Variants in KDM1B observed in about 807,000 individuals in gnomAD.
KDM1B encodes lysine demethylase 1B.
A neutral mutation model predicts 107.4 loss-of-function variants in KDM1B; 63 were observed. The ratio of observed to expected loss-of-function variants is 0.59; its 90% CI spans 0.48 to 0.72. The LOEUF (loss-of-function observed/expected upper bound fraction) is 0.72. Ranked by LOEUF, KDM1B falls within the 30% of genes least tolerant of loss-of-function variation. The pLI, the probability that KDM1B is intolerant of heterozygous loss-of-function variation, is 0.00. For missense variants in KDM1B, 749 were observed against 1,020.8 expected, an observed-to-expected ratio of 0.73 and a Z score of 3.63; for synonymous variants, 363 against 363.9, an observed-to-expected ratio of 1.00 and a Z score of 0.03.
Position 18,197,307 on chromosome 6 carries a change from A to T in KDM1B, c.1146+74A>T, listed in dbSNP as rs1048352412. On this transcript the variant is annotated intron_variant, in intron 11 of 21. Transcript: ENST00000650836. The surrounding 1 kb of genome is among the most constrained non-coding windows in gnomAD (Gnocchi z 4.5). ...CGCTAGTCTGTTGCTGTTAATAAAT[A>T]TAGTAAAAGCCACATTATCACCATA... The T allele has an allele frequency of 3.7e-6, 5 of 1,337,844 alleles. No individual in the cohort carries two copies. The African/African-American group carries it at 4.5e-5, about 12-fold the overall frequency. 82.9% of individuals were successfully genotyped at this position (1,337,844 alleles called of 1,614,324 possible).
chr6:18,191,160 C>T lies in KDM1B; in HGVS notation c.785-37C>T, dbSNP rs1280887007. 1.3e-6 allele frequency: 2 copies of T among 1,532,258 alleles called. No homozygotes were observed. Among genetic ancestry groups the T allele is most frequent in the Admixed American group, 2.0e-5 (1 of 49,086 alleles). 94.9% of individuals were successfully genotyped at this position (1,532,258 alleles called of 1,614,324 possible). On this transcript the variant is annotated intron_variant, in intron 9 of 21. Coordinates refer to ENST00000650836, the MANE Select transcript of KDM1B (RefSeq NM_001364614.2). The surrounding 1 kb of genome is among the most constrained non-coding windows in gnomAD (Gnocchi z 5.1). ...TTAATTCTTCTGGATTTGGAAGTTA[C>T]AGCTTGTAGGAGTTGCCCATTTGTG...
Position 18,197,614 on chromosome 6 carries a change from C to G in KDM1B, c.1174C>G (p.Pro392Ala), listed in dbSNP as rs569055400. ...NKSVIIIGAG[P>A]AGLAAARQLH... Reference sequence around the variant, plus strand: ...ATCAGTCATCATTATCGGGGCTGGTCCAGCAGGATTAGCAGCTGCTAGGCA... The same window carrying G: ...ATCAGTCATCATTATCGGGGCTGGTGCAGCAGGATTAGCAGCTGCTAGGCA... The change falls in exon 12 of 22, where the codon CCA becomes GCA. Residue 392 changes from proline (P) to alanine (A), a missense_variant. Coordinates refer to ENST00000650836, the MANE Select transcript of KDM1B (RefSeq NM_001364614.2). This position sits in a 1 kb window ranked among gnomAD's most constrained non-coding sequence, Gnocchi z 4.5. 1 of 1,613,860 alleles carries G rather than the reference C, an allele frequency of 6.2e-7. No individual in the cohort carries two copies. The highest frequency in any genetic ancestry group is 2.2e-5 in the East Asian group (1 of 44,862).
rs776766892 is a variant in KDM1B, at chr6:18,197,017, CT to C, written c.970-34del. ...CTGCTATTGTTTGAATTTCTTGGGA[CT>C]TTTTTAAAAAAGCAGTTTGGTTTTA... On this transcript the variant is annotated intron_variant, in intron 10 of 21. Transcript: ENST00000650836. This position sits in a 1 kb window ranked among gnomAD's most constrained non-coding sequence, Gnocchi z 4.5. 14 of 1,547,894 alleles carry C rather than the reference CT, an allele frequency of 9.0e-6. No homozygotes were observed. The highest frequency in any genetic ancestry group is 1.1e-5 in the Non-Finnish European group (13 of 1,134,054).
At position 18,209,371 on chromosome 6, in the gene KDM1B, T is replaced by C. The variant is rs143932679; in HGVS notation, c.1866+1165T>C. 3.6e-3 allele frequency among the ~76,000 whole-genome samples: 545 copies of C among 152,312 alleles called. 7 individuals are homozygous for C. Among genetic ancestry groups the C allele is most frequent in the African/African-American group, 0.012 (498 of 41,568 alleles). On this transcript the variant is annotated intron_variant, in intron 17 of 21. Transcript: ENST00000650836. This position sits in a 1 kb window ranked among gnomAD's most constrained non-coding sequence, Gnocchi z 4.3. Reference sequence around the variant, plus strand: ...CTACACTTCAGGTATCTAAAACTTATTTCATAGTCCTTGATTTTCATACAG... The same window carrying C: ...CTACACTTCAGGTATCTAAAACTTACTTCATAGTCCTTGATTTTCATACAG...
intron 6 of KDM1B, among the ~76,000 whole-genome samples, chr6:18,168,509 T>G (rs1785462067): frequency 6.6e-6 from 1 of 152,252 alleles, no homozygotes. Flanking sequence ...AGCATTCATC[T>G]ATTGATGGAC....
At chr6:18,195,823 C>T (rs116482021) in intron 10 of KDM1B, among the ~76,000 whole-genome samples, 3,955 of 151,876 alleles carry the variant, frequency 0.026, 93 homozygotes, top group Non-Finnish European at 0.036. Flanking sequence ...CATATAGTTA[C>T]CTTTTTTGTC....
At position 18,197,676 on chromosome 6, in the gene KDM1B, A is replaced by T. The variant is rs548240037; in HGVS notation, c.1221+15A>T. ...TTGGAATTAAGGTAGGATTTTGGGGACATGGAGTTAGAACAGATGGTTGAC... is the reference window on the plus strand; with the variant it reads ...TTGGAATTAAGGTAGGATTTTGGGGTCATGGAGTTAGAACAGATGGTTGAC... On this transcript the variant is annotated intron_variant, in intron 12 of 21. Coordinates refer to ENST00000650836, the MANE Select transcript of KDM1B (RefSeq NM_001364614.2). This position sits in a 1 kb window ranked among gnomAD's most constrained non-coding sequence, Gnocchi z 4.5. 6.2e-7 allele frequency: 1 copy of T among 1,605,408 alleles called. No individual in the cohort carries two copies. Among genetic ancestry groups the T allele is most frequent in the East Asian group, 2.2e-5 (1 of 44,832 alleles).
At chr6:18,163,199 A>G (rs1185226386) in intron 5 of KDM1B, among the ~76,000 whole-genome samples, 3 of 150,456 alleles carry the variant, frequency 2.0e-5, no homozygotes, top group East Asian at 3.9e-4. Flanking sequence ...GTGTAGAGAC[A>G]TAATTTCAGC....
In KDM1B at chr6:18,159,778, A is replaced by C. The variant is rs1279279275; in HGVS notation, c.-13-105A>C. The stretch of plus-strand genomic sequence containing the variant: ...GAAAACTGTAGCTTTGTATTTAGGC[A>C]ATCTGACATACATTCTTACCTACCA... On this transcript the variant is annotated intron_variant, in intron 2 of 21. Transcript: ENST00000650836. This position sits in a 1 kb window ranked among gnomAD's most constrained non-coding sequence, Gnocchi z 4.5. The C allele has an allele frequency of 1.2e-5, 8 of 649,174 alleles. No homozygotes were observed. Among genetic ancestry groups the C allele is most frequent in the Non-Finnish European group, 2.1e-5 (8 of 372,544 alleles). The allele number at this position is 649,174 out of a possible 1,614,324, so 40.2% of individuals were successfully genotyped here.
intron 20 of KDM1B, among the ~76,000 whole-genome samples, chr6:18,217,378 C>CTT (rs11343407): frequency 7.1e-5 from 9 of 126,992 alleles, no homozygotes; most frequent in East Asian, 2.2e-4. Flanking sequence ...TATCTCCCTT[C>CTT]TTTTTTTTTT....
Position 18,191,408 on chromosome 6 carries a change from C to T in KDM1B, c.969+27C>T. ...TAAGTAAGGGCATGTTAGCCAATAG[C>T]ACTGGACAGAGGAGGACCATGTTGA... On this transcript the variant is annotated intron_variant, in intron 10 of 21. Transcript: ENST00000650836. The surrounding 1 kb of genome is among the most constrained non-coding windows in gnomAD (Gnocchi z 5.1). The T allele has an allele frequency of 6.5e-7, 1 of 1,541,852 alleles. No homozygotes were observed. The highest frequency in any genetic ancestry group is 8.8e-7 in the Non-Finnish European group (1 of 1,139,608).
chr6:18,187,651 T>C (rs1786962546), intron 8 of KDM1B, 141 bp from the exon 9 acceptor site: 1 of 633,004 alleles, frequency 1.6e-6, no homozygotes, highest in African/African-American at 1.8e-5. Context: ...AGCTCTGGAA[T>C]AGAATTGTTA....
rs1233569048 is a variant in KDM1B at position 18,187,929 on chromosome 6, A to T, written c.711A>T (p.Thr237=). Residue 237 remains threonine (T), a synonymous_variant, in exon 9 of 22, where the codon ACA becomes ACT. Coordinates refer to ENST00000650836, the MANE Select transcript of KDM1B (RefSeq NM_001364614.2). ...CVGMSPSCTS[T]NRAAATGNAS... is the part of the protein sequence containing the mutation. ...GCATGAGCCCCTCCTGCACCAGCAC[A>T]AACCGCGCCGCTGCCACTGGCAATG... The T allele has an allele frequency of 6.4e-7, 1 of 1,550,490 alleles. No individual in the cohort carries two copies. The highest frequency in any genetic ancestry group is 2.0e-5 in the Admixed American group (1 of 50,996).
chr6:18,197,968 C>A lies in KDM1B; in HGVS notation c.1221+307C>A, dbSNP rs1787761578. 6.6e-6 allele frequency among the ~76,000 whole-genome samples: 1 copy of A among 150,628 alleles called. No individual in the cohort carries two copies. The highest frequency in any genetic ancestry group is 2.4e-5 in the African/African-American group (1 of 40,838). ...TGAGACAGAGTCTTGCTCTGTCGCC[C>A]AGGCTGGAGTGCAGCAGTGCGATCT... is the stretch of plus-strand genomic sequence containing the variant. On this transcript the variant is annotated intron_variant, in intron 12 of 21. Transcript: ENST00000650836. The surrounding 1 kb of genome is among the most constrained non-coding windows in gnomAD (Gnocchi z 4.5).
chr6:18,213,732 G>C lies in KDM1B; in HGVS notation c.2060G>C (p.Ser687Thr). The C allele has an allele frequency of 6.2e-7, 1 of 1,614,124 alleles. No homozygotes were observed. Among genetic ancestry groups the C allele is most frequent in the Non-Finnish European group, 8.5e-7 (1 of 1,179,950 alleles). The change falls in exon 19 of 22, where the codon AGT becomes ACT. Residue 687 changes from serine to threonine, a missense_variant. Coordinates refer to ENST00000650836, the MANE Select transcript of KDM1B (RefSeq NM_001364614.2). The surrounding 1 kb of genome is among the most constrained non-coding windows in gnomAD (Gnocchi z 5.9). Reference sequence around the variant, plus strand: ...GACTTTTTTGGTCACGTTCCTCCCAGTGCCAGCAAGCGAGGGCTTTTTGCC... The same window carrying C: ...GACTTTTTTGGTCACGTTCCTCCCACTGCCAGCAAGCGAGGGCTTTTTGCC... ...GADFFGHVPP[S>T]ASKRGLFAVF...
intron 21 of KDM1B, among the ~76,000 whole-genome samples, chr6:18,218,468 G>A (rs2151048543): frequency 1.3e-5 from 2 of 152,202 alleles, no homozygotes; most frequent in East Asian, 3.9e-4. Flanking sequence ...ATTATTGACT[G>A]CCTCCCTATT....
At chr6:18,221,130 C>T (rs1789697146) in intron 21 of KDM1B, among the ~76,000 whole-genome samples, 1 of 152,076 alleles carries the variant, frequency 6.6e-6, no homozygotes, top group African/African-American at 2.4e-5. Flanking sequence ...GTAATCACTC[C>T]CCCATTCATT....
rs536324092 is a variant in KDM1B, at chr6:18,159,548, T to A, written c.-13-335T>A. On this transcript the variant is annotated intron_variant, in intron 2 of 21. Coordinates refer to ENST00000650836, the MANE Select transcript of KDM1B (RefSeq NM_001364614.2). The surrounding 1 kb of genome is among the most constrained non-coding windows in gnomAD (Gnocchi z 4.5). ...TTTAAACTTCATGCCAGTGCTATAG[T>A]AAATGCTTATGGTGCCCATTTTATG... Among the ~76,000 whole-genome samples, 1 of 152,328 alleles carries A rather than the reference T, an allele frequency of 6.6e-6. No individual in the cohort carries two copies. Among genetic ancestry groups the A allele is most frequent in the Non-Finnish European group, 1.5e-5 (1 of 68,022 alleles).
Position 18,204,476 on chromosome 6 carries a change from G to GA in KDM1B, c.1532-1053dup, listed in dbSNP as rs201857703. ...GTGACATGGTGAGACCCTATCTCAG[G>GA]AAAAAAAAGAAAAAGAAAACACCAC... is the stretch of plus-strand genomic sequence containing the variant. On this transcript the variant is annotated intron_variant, in intron 14 of 21. Transcript: ENST00000650836. This position sits in a 1 kb window ranked among gnomAD's most constrained non-coding sequence, Gnocchi z 4.9. Among the ~76,000 whole-genome samples, 191 of 151,682 alleles carry GA rather than the reference G, an allele frequency of 1.3e-3. 4 individuals are homozygous for GA. Among genetic ancestry groups the GA allele is most frequent in the African/African-American group, 4.4e-3 (183 of 41,392 alleles).
Sources: gnomAD v4.1 joint callset for allele counts (sites outside exome capture counted in the v4.1 genomes callset) on GRCh38, gnomAD v4.1.1 for gene constraint, Gnocchi (gnomAD v3.1) non-coding constraint, MANE v1.5 for transcripts, NCBI Gene and HGNC (gene_info 2026-07-23, HGNC 2026-07-21) for gene names.